The following SLC14A2 variants were observed in gnomAD, a reference collection of about 807,000 sequenced individuals.
The protein encoded by SLC14A2 is solute carrier family 14 member 2.
SLC14A2 carries 91 observed loss-of-function variants against 104.6 expected under a neutral mutation model. That is an observed-to-expected ratio of 0.87 (90% CI 0.73 to 1.04). The LOEUF (loss-of-function observed/expected upper bound fraction) is 1.04, where lower values mean the gene tolerates loss of function less well. Ranked by LOEUF, SLC14A2 falls within the 50% of genes least tolerant of loss-of-function variation. The pLI, the probability that SLC14A2 is intolerant of heterozygous loss-of-function variation, is 0.00. For synonymous variants in SLC14A2, 476 were observed against 466.4 expected (o/e 1.02, Z -0.27); for missense variants, 1,189 against 1,156.0 (o/e 1.03, Z -0.41).
intron 1 of SLC14A2, among the ~76,000 whole-genome samples, chr18:45,246,964 A>C (rs2084373380): frequency 1.3e-5 from 2 of 152,216 alleles, no homozygotes. Flanking sequence ...CAGTTTGAAA[A>C]AGAAGAAACT....
At chr18:45,545,578 C>A (rs559716981) in intron 2 of SLC14A2, among the ~76,000 whole-genome samples, 1 of 152,178 alleles carries the variant, frequency 6.6e-6, no homozygotes, top group South Asian at 2.1e-4. Context: ...TTATAATTAT[C>A]AAGAAACACG....
intron 1 of SLC14A2, among the ~76,000 whole-genome samples, chr18:45,621,200 T>C (rs1003973425): frequency 6.6e-6 from 1 of 152,228 alleles, no homozygotes; most frequent in Admixed American, 6.5e-5. Context: ...GTTCTGGGGC[T>C]TGTCGGATTT....
chr18:45,632,257 C>T, intron 4 of SLC14A2, 93 bp from the exon 5 acceptor site: 1 of 1,457,482 alleles, frequency 6.9e-7, no homozygotes. Context: ...TTAAAGGAAT[C>T]ATCTAAATTA....
chr18:45,638,761 TAC>T (rs1202481527), intron 6 of SLC14A2, among the ~76,000 whole-genome samples: 1 of 152,192 alleles, frequency 6.6e-6, no homozygotes, highest in Non-Finnish European at 1.5e-5. Context: ...TGAAAAGAAC[TAC>T]AGAGTCTTAA....
intron 1 of SLC14A2, among the ~76,000 whole-genome samples, chr18:45,214,655 T>C (rs1024597915): frequency 6.6e-6 from 1 of 152,140 alleles, no homozygotes; most frequent in Non-Finnish European, 1.5e-5. Flanking sequence ...TACTTTGTCT[T>C]TCACTTGGTA....
At chr18:45,371,639 C>G (rs1335530704) in intron 1 of SLC14A2, among the ~76,000 whole-genome samples, 3 of 152,188 alleles carry the variant, frequency 2.0e-5, no homozygotes, top group African/African-American at 7.2e-5. Flanking sequence ...AGCCTATTCT[C>G]TAAAACCTTG....
At chr18:45,583,974 GTGTT>G (rs2144367144) in intron 2 of SLC14A2, among the ~76,000 whole-genome samples, 1 of 152,310 alleles carries the variant, frequency 6.6e-6, no homozygotes, top group African/African-American at 2.4e-5. Flanking sequence ...ATTTAATAAT[GTGTT>G]TATTTAGCCC....
chr18:45,553,565 G>A (rs1234699366), intron 2 of SLC14A2, among the ~76,000 whole-genome samples: 3 of 152,140 alleles, frequency 2.0e-5, no homozygotes, highest in African/African-American at 4.8e-5. Context: ...AGGGTGTGCT[G>A]TATGAGGTCA....
intron 1 of SLC14A2, among the ~76,000 whole-genome samples, chr18:45,426,732 C>T (rs1029019940): frequency 6.3e-5 from 9 of 142,804 alleles, no homozygotes; most frequent in Admixed American, 4.2e-4. Context: ...CACACACACA[C>T]ATACATACAC....
chr18:45,416,361 T>C (rs562157798), intron 1 of SLC14A2, among the ~76,000 whole-genome samples: 1 of 151,734 alleles, frequency 6.6e-6, no homozygotes, highest in Admixed American at 6.6e-5. Context: ...CCAAATAACC[T>C]TGTCATGTGA....
intron 1 of SLC14A2, among the ~76,000 whole-genome samples, chr18:45,345,322 T>C (rs571278238): frequency 3.4e-4 from 52 of 152,200 alleles, no homozygotes; most frequent in African/African-American, 1.2e-3. Context: ...GAGAATTTAC[T>C]TTATGTTAGG....
chr18:45,614,159 T>C (rs2045021078), upstream of SLC14A2, among the ~76,000 whole-genome samples: 3 of 152,344 alleles, frequency 2.0e-5, no homozygotes, highest in South Asian at 6.2e-4. Context: ...TTCAGGCCAT[T>C]GCTTCAGAGG....
chr18:45,429,662 A>G (rs1372408246), intron 1 of SLC14A2, among the ~76,000 whole-genome samples: 3 of 152,186 alleles, frequency 2.0e-5, no homozygotes, highest in Admixed American at 2.0e-4. Context: ...TTTCAGCCTC[A>G]CTGATGGAGT....
the SLC14A2 span, among the ~76,000 whole-genome samples, chr18:45,205,203 T>C: frequency 6.6e-6 from 1 of 152,174 alleles, no homozygotes; most frequent in Admixed American, 6.5e-5. Flanking sequence ...TCAGGCAGCA[T>C]ACAGGGCCAG....
chr18:45,213,645 G>T (rs2083981520), intron 1 of SLC14A2, among the ~76,000 whole-genome samples: 1 of 152,184 alleles, frequency 6.6e-6, no homozygotes, highest in South Asian at 2.1e-4. Context: ...AAGAGGATGA[G>T]GTGAGGAGTA....
chr18:45,491,547 A>C (rs2043000763), intron 2 of SLC14A2, among the ~76,000 whole-genome samples: 1 of 152,234 alleles, frequency 6.6e-6, no homozygotes, highest in Non-Finnish European at 1.5e-5. Context: ...ATTACAAATA[A>C]AAGTAAAAAT....
intron 10 of SLC14A2, among the ~76,000 whole-genome samples, chr18:45,645,201 CT>C (rs1430695632): frequency 1.3e-5 from 2 of 152,128 alleles, no homozygotes; most frequent in African/African-American, 4.8e-5. Context: ...TGAACTCATT[CT>C]TTTTATGGCT....
At chr18:45,646,180 G>A (rs1480461640) in intron 10 of SLC14A2, 1 of 152,216 alleles carries the variant, frequency 6.6e-6, no homozygotes, top group Admixed American at 6.5e-5. Context: ...TCACTCTGTT[G>A]TTCTCTCATC....
intron 1 of SLC14A2, among the ~76,000 whole-genome samples, chr18:45,313,558 C>G (rs753844827): frequency 2.3e-4 from 35 of 152,114 alleles, no homozygotes; most frequent in Non-Finnish European, 4.3e-4. Context: ...TAATTGTGAG[C>G]AGGGATCCTG....
Sources: allele counts gnomAD v4.1 joint callset (sites outside exome capture counted in the v4.1 genomes callset), GRCh38; gene constraint gnomAD v4.1.1; transcripts MANE v1.5; gene names NCBI Gene and HGNC (gene_info 2026-07-23, HGNC 2026-07-21).